EBAG9: variants seen among roughly 807,000 people sequenced by gnomAD.
EBAG9 encodes receptor-binding cancer antigen expressed on SiSo cells.
EBAG9 carries 16 observed loss-of-function variants against 30.9 expected under a neutral mutation model. That is an observed-to-expected ratio of 0.52 (90% CI 0.35 to 0.79). The LOEUF (loss-of-function observed/expected upper bound fraction) is 0.79. EBAG9 is among the 30% of genes least tolerant of loss of function. The pLI is 0.01. For missense variants in EBAG9, 197 were observed against 242.1 expected (o/e 0.81, Z 1.24); for synonymous variants, 93 against 82.8 (o/e 1.12, Z -0.67).
At chr8:109,562,164 ATTAT>A (rs1436183301) in intron 6 of EBAG9, among the ~76,000 whole-genome samples, 1 of 152,072 alleles carries the variant, frequency 6.6e-6, no homozygotes, top group Non-Finnish European at 1.5e-5. Flanking sequence ...GATTCTAGTA[ATTAT>A]TAGTGCCATT....
In EBAG9 at chr8:109,550,867, C is replaced by T; in HGVS notation, c.43C>T (p.Leu15=). 1 of 1,601,430 alleles carries T rather than the reference C, an allele frequency of 6.2e-7. No homozygotes were observed. Among genetic ancestry groups the T allele is most frequent in the South Asian group, 1.1e-5 (1 of 89,392 alleles). The change falls in exon 2 of 7, where the codon CTA becomes TTA. Residue 15 remains leucine (L), a synonymous_variant. Coordinates refer to ENST00000337573, the MANE Select transcript of EBAG9 (RefSeq NM_004215.5). ...QFRLFKFCTC[L]ATVFSFLKRL... ...TCGGTTATTTAAATTTTGTACCTGC[C>T]TAGCAACAGTATTCTCATTCCTAAA...
chr8:109,542,612 T>C (rs1821299018), intron 1 of EBAG9, among the ~76,000 whole-genome samples: 1 of 152,198 alleles, frequency 6.6e-6, no homozygotes, highest in African/African-American at 2.4e-5. Flanking sequence ...TTTAGGCTAA[T>C]TTTCATTTGA....
chr8:109,552,860 C>T (rs1388629446), intron 2 of EBAG9, among the ~76,000 whole-genome samples: 4 of 152,024 alleles, frequency 2.6e-5, no homozygotes, highest in Non-Finnish European at 5.9e-5. Flanking sequence ...CTTTGGGAGG[C>T]CGAGGGGGTA....
Position 109,556,948 on chromosome 8 carries a change from A to C in EBAG9, c.335A>C (p.Lys112Thr). ...TTAATCTTTCAGATTGTTATTAAGA[A>C]GAGAGAACCATTGAATTTTGGCATC... Reference protein sequence around the residue: ...IRKTQKIVIKKREPLNFGIPD... With the variant: ...IRKTQKIVIKTREPLNFGIPD... Residue 112 changes from lysine (K) to threonine (T), a missense_variant, in exon 5 of 7, where the codon AAG (lysine) becomes ACG (threonine). Physicochemically the swap from Lys to Thr is moderately conservative, Grantham distance 78 (BLOSUM62 -1). Transcript: ENST00000337573. The C allele has an allele frequency of 6.3e-7, 1 of 1,591,464 alleles. No homozygotes were observed. The highest frequency in any genetic ancestry group is 1.1e-5 in the South Asian group (1 of 87,724).
rs557388998 is a variant in EBAG9 at position 109,543,135 on chromosome 8, C to CTTTTTTTTTTT, written c.-16+2695_-16+2705dup. On this transcript the variant is annotated intron_variant, in intron 1 of 6. Coordinates refer to ENST00000337573, the MANE Select transcript of EBAG9 (RefSeq NM_004215.5). ...GAGTACAATTTTTAATATTCTGGTT[C>CTTTTTTTTTTT]TTTTTTTTTTTTTTTTTTTTTTTTT... Among the ~76,000 whole-genome samples, 33 of 52,842 alleles carry CTTTTTTTTTTT rather than the reference C, an allele frequency of 6.2e-4. 1 individual carries two copies. Among genetic ancestry groups the CTTTTTTTTTTT allele is most frequent in the African/African-American group, 1.3e-3 (31 of 24,754 alleles). The allele number at this position is 52,842 out of a possible 152,430, so 34.7% of individuals were successfully genotyped here. A position where few individuals can be genotyped will look rare whatever the true frequency, so the allele number is the denominator to read the frequency against.
At chr8:109,557,422 G>A (rs954716730) in intron 5 of EBAG9, among the ~76,000 whole-genome samples, 1 of 152,042 alleles carries the variant, frequency 6.6e-6, no homozygotes, top group Admixed American at 6.5e-5. Flanking sequence ...AATTTTAAAC[G>A]GTTTGACTTA....
chr8:109,558,757 T>C (rs1313016209), intron 5 of EBAG9, among the ~76,000 whole-genome samples: 1 of 152,230 alleles, frequency 6.6e-6, no homozygotes, highest in African/African-American at 2.4e-5. Flanking sequence ...TACCATTCAT[T>C]CTACAAATTA....
chr8:109,552,989 A>G (rs951685896), intron 2 of EBAG9, among the ~76,000 whole-genome samples: 26 of 152,080 alleles, frequency 1.7e-4, no homozygotes, highest in Non-Finnish European at 2.2e-4. Flanking sequence ...TTACTTTTCT[A>G]TTCACCCTTT....
Position 109,564,570 on chromosome 8 carries a change from A to C in EBAG9, c.*11A>C. On this transcript the variant is annotated 3_prime_UTR_variant, in exon 7 of 7. Coordinates refer to ENST00000337573, the MANE Select transcript of EBAG9 (RefSeq NM_004215.5). ...GTGAAACTTTCATAACACATGTTCAAATTTTATCATGCCAGTAGGAGAAAT... is the reference window on the plus strand; with the variant it reads ...GTGAAACTTTCATAACACATGTTCACATTTTATCATGCCAGTAGGAGAAAT... The C allele has an allele frequency of 6.2e-7, 1 of 1,610,958 alleles. No individual in the cohort carries two copies. The highest frequency in any genetic ancestry group is 8.5e-7 in the Non-Finnish European group (1 of 1,177,986).
chr8:109,559,129 A>G (rs930128489), intron 5 of EBAG9, among the ~76,000 whole-genome samples: 2 of 152,216 alleles, frequency 1.3e-5, no homozygotes, highest in African/African-American at 2.4e-5. Flanking sequence ...AGAAATAGAC[A>G]TAACCTAATT....
intron 4 of EBAG9, among the ~76,000 whole-genome samples, chr8:109,556,168 A>G (rs1240731215): frequency 2.6e-5 from 4 of 151,480 alleles, no homozygotes; most frequent in Non-Finnish European, 5.9e-5. Context: ...TATTTTTATC[A>G]TATATATATA....
chr8:109,561,890 CTTTTTTT>C (rs397942472), intron 6 of EBAG9, among the ~76,000 whole-genome samples: 1 of 118,498 alleles, frequency 8.4e-6, no homozygotes, highest in Non-Finnish European at 1.8e-5. Flanking sequence ...ATATCAAGCC[CTTTTTTT>C]TTTTTTTTTT....
chr8:109,543,599 A>G (rs1016248807), intron 1 of EBAG9, among the ~76,000 whole-genome samples: 3 of 152,164 alleles, frequency 2.0e-5, no homozygotes, highest in Admixed American at 6.6e-5. Context: ...TAGCTCTCTA[A>G]TGCTTCAGTA....
At chr8:109,561,537 G>A (rs1301764822) in intron 6 of EBAG9, among the ~76,000 whole-genome samples, 1 of 152,004 alleles carries the variant, frequency 6.6e-6, no homozygotes, top group African/African-American at 2.4e-5. Flanking sequence ...GCTACATTAG[G>A]TCAAAGAGTA....
chr8:109,553,722 TAGTG>T lies in EBAG9; in HGVS notation c.84-139_84-136del, dbSNP rs1355574319. Reference sequence around the variant, plus strand: ...TTTATGACTTTTTTTTACCATAAATTAGTGAGTAACTGTTACTAAAATCAATAAT... The same window carrying T: ...TTTATGACTTTTTTTTACCATAAATTAGTAACTGTTACTAAAATCAATAAT... On this transcript the variant is annotated intron_variant, in intron 2 of 6. Transcript: ENST00000337573. 1.8e-5 allele frequency: 11 copies of T among 607,148 alleles called. No homozygotes were observed. In the South Asian group the frequency reaches 2.0e-4, roughly 11 times the overall value. The allele number at this position is 607,148 out of a possible 1,614,324, so 37.6% of individuals were successfully genotyped here.
chr8:109,557,131 A>G, intron 5 of EBAG9, 89 bp downstream of exon 5: 1 of 754,884 alleles, frequency 1.3e-6, no homozygotes, highest in Non-Finnish European at 2.0e-6. Flanking sequence ...AGTTTAACAT[A>G]GTATTTATAT....
chr8:109,565,789 T>G lies in EBAG9; in HGVS notation c.*1230T>G, dbSNP rs994176406. The G allele has an allele frequency of 1.3e-5, 2 of 152,128 alleles. No individual in the cohort carries two copies. Among genetic ancestry groups the G allele is most frequent in the African/African-American group, 4.8e-5 (2 of 41,462 alleles). 9.4% of individuals were successfully genotyped at this position (152,128 alleles called of 1,614,324 possible). On this transcript the variant is annotated 3_prime_UTR_variant, in exon 7 of 7. Coordinates refer to ENST00000337573, the MANE Select transcript of EBAG9 (RefSeq NM_004215.5). ...CTGTACAGGCCAAACCTTACTAATTTATTTTACTTAAAGTGATATTTTATA... is the reference window on the plus strand; with the variant it reads ...CTGTACAGGCCAAACCTTACTAATTGATTTTACTTAAAGTGATATTTTATA...
intron 2 of EBAG9, among the ~76,000 whole-genome samples, chr8:109,552,713 A>G (rs939490769): frequency 6.6e-6 from 1 of 152,206 alleles, no homozygotes; most frequent in African/African-American, 2.4e-5. Flanking sequence ...TTTAGAATTG[A>G]TTGTATGTTC....
intron 2 of EBAG9, 150 bp downstream of exon 2, chr8:109,551,057 G>A (rs1423): frequency 0.57 from 319,018 of 563,970 alleles, 93,829 homozygotes; most frequent in African/African-American, 0.83. Flanking sequence ...GTCATTTTTA[G>A]ATACTTTTTC....
Sources: gnomAD v4.1 joint callset for allele counts (sites outside exome capture counted in the v4.1 genomes callset) on GRCh38, gnomAD v4.1.1 for gene constraint, MANE v1.5 for transcripts, NCBI Gene and HGNC (gene_info 2026-07-23, HGNC 2026-07-21) for gene names.